Variants in CLCF1 observed in about 807,000 individuals in gnomAD.
CLCF1 encodes the protein cardiotrophin like cytokine factor 1.
A neutral mutation model predicts 21.2 loss-of-function variants in CLCF1; 10 were observed. The observed-to-expected ratio is 0.47, with a 90% CI of 0.29 to 0.80. The LOEUF is 0.80. Among genes scored for constraint, CLCF1 ranks in the 30% least tolerant of loss-of-function variants. The probability of loss-of-function intolerance (pLI) is 0.09; values close to 1 mark genes in which losing one functional copy is unlikely to be tolerated. For synonymous variants in CLCF1, 115 were observed against 120.5 expected (o/e 0.95, Z 0.30); for missense variants, 240 against 293.4 (o/e 0.82, Z 1.33).
Position 67,364,871 on chromosome 11 carries a change from C to T in CLCF1, c.*265G>A, listed in dbSNP as rs1179956711. ...GAGGCCATGAGCGCCTCTGCACCAACCTGAACCACTTCACACTCCCTCGAG... is the reference window on the plus strand; with the variant it reads ...GAGGCCATGAGCGCCTCTGCACCAATCTGAACCACTTCACACTCCCTCGAG... On this transcript the variant is annotated 3_prime_UTR_variant, in exon 3 of 3. Coordinates refer to ENST00000312438, the MANE Select transcript of CLCF1 (RefSeq NM_013246.3). The T allele has an allele frequency of 5.7e-6, 3 of 525,758 alleles. No homozygotes were observed. The highest frequency in any genetic ancestry group is 7.2e-5 in the East Asian group (2 of 27,884). 32.6% of individuals were successfully genotyped at this position (525,758 alleles called of 1,614,324 possible).
intron 1 of CLCF1, 134 bp from the exon 2 acceptor site, chr11:67,367,760 G>A: frequency 6.6e-7 from 1 of 1,512,798 alleles, no homozygotes; most frequent in Non-Finnish European, 8.8e-7. Context: ...GGGAGGCAGA[G>A]GGGATGGAGG....
At chr11:67,368,088 A>T in intron 1 of CLCF1, 1 of 985,410 alleles carries the variant, frequency 1.0e-6, no homozygotes, top group Non-Finnish European at 1.2e-6. Flanking sequence ...CAGAGCTGGC[A>T]GGCTGAGCAC....
At chr11:67,367,165 AGAGG>A (rs1862127361) in intron 2 of CLCF1, among the ~76,000 whole-genome samples, 1 of 151,416 alleles carries the variant, frequency 6.6e-6, no homozygotes, top group Non-Finnish European at 1.5e-5. Flanking sequence ...CGGTGTAAAC[AGAGG>A]AGACTTCCCC....
rs756287540 is a variant in CLCF1 at position 67,367,656 on chromosome 11, C to A, written c.17-30G>T. ...GGGCAGGATGGACGAGAAGCATGAG[C>A]GCGGCCCGGGCCCACACGGGGAAGC... On this transcript the variant is annotated intron_variant, in intron 1 of 2. Transcript: ENST00000312438. 8.7e-6 allele frequency: 14 copies of A among 1,605,954 alleles called. No homozygotes were observed. In the South Asian group the frequency reaches 1.2e-4, roughly 14 times the overall value.
intron 1 of CLCF1, chr11:67,367,899 CT>C: frequency 1.0e-6 from 1 of 985,352 alleles, no homozygotes; most frequent in Non-Finnish European, 1.2e-6. Context: ...CTGAGAGAGT[CT>C]TTGGCATGTG....
intron 1 of CLCF1, chr11:67,369,892 C>A (rs903064209): frequency 1.0e-6 from 1 of 984,972 alleles, no homozygotes; most frequent in Non-Finnish European, 1.2e-6. Flanking sequence ...GGGGGAGAAG[C>A]CTTTGGATAG....
At chr11:67,367,705 G>A (rs1862144202) in intron 1 of CLCF1, 79 bp from the exon 2 acceptor site, 2 of 1,556,386 alleles carry the variant, frequency 1.3e-6, no homozygotes, top group East Asian at 4.8e-5. Flanking sequence ...TCAGGTGTCT[G>A]TCCCCACCTT....
rs1384447654 is a variant in CLCF1 at position 67,373,556 on chromosome 11, C to A, written c.-17G>T. 1.5e-6 allele frequency: 2 copies of A among 1,378,244 alleles called. No individual in the cohort carries two copies. Among genetic ancestry groups the A allele is most frequent in the Non-Finnish European group, 1.9e-6 (2 of 1,066,080 alleles). 85.4% of individuals were successfully genotyped at this position (1,378,244 alleles called of 1,614,324 possible). A position where few individuals can be genotyped will look rare whatever the true frequency, so the allele number is the denominator to read the frequency against. On this transcript the variant is annotated 5_prime_UTR_variant, in exon 1 of 3. Coordinates refer to ENST00000312438, the MANE Select transcript of CLCF1 (RefSeq NM_013246.3). ...GAGGTCCATGGGGCTGGGGCCGGGCCGGCCGGGTGCGGCTCCTCTCCCGGA... is the reference window on the plus strand; with the variant it reads ...GAGGTCCATGGGGCTGGGGCCGGGCAGGCCGGGTGCGGCTCCTCTCCCGGA...
Position 67,372,603 on chromosome 11 carries a change from C to T in CLCF1, c.16+921G>A, listed in dbSNP as rs1418360834. ...CCGCCCCCTCCCGCTCCCGCCCGGT[C>T]GCTCCTTCCCCGCGGCGGGGGCGGG... is the stretch of plus-strand genomic sequence containing the variant. On this transcript the variant is annotated intron_variant, in intron 1 of 2. Coordinates refer to ENST00000312438, the MANE Select transcript of CLCF1 (RefSeq NM_013246.3). This position sits in a 1 kb window ranked among gnomAD's most constrained non-coding sequence, Gnocchi z 5.9. Among the ~76,000 whole-genome samples, 7 of 147,032 alleles carry T rather than the reference C, an allele frequency of 4.8e-5. No individual in the cohort carries two copies. Among genetic ancestry groups the T allele is most frequent in the African/African-American group, 1.5e-4 (6 of 39,228 alleles).
At chr11:67,373,430 G>A in intron 1 of CLCF1, 94 bp downstream of exon 1, 1 of 670,808 alleles carries the variant, frequency 1.5e-6, no homozygotes, top group Non-Finnish European at 2.3e-6. Context: ...CCCGGCCCCG[G>A]CGCGGGGCTC....
rs369389500 is a variant in CLCF1, at chr11:67,365,358, T to C, written c.456A>G (p.Ala152=). ...GLLGSIAGVM[A]ALGYPLPQPL... ...GCTGGGGCAGTGGGTAGCCCAGAGCTGCCATGACGCCCGCAATGCTGCCCA... is the reference window on the plus strand; with the variant it reads ...GCTGGGGCAGTGGGTAGCCCAGAGCCGCCATGACGCCCGCAATGCTGCCCA... Residue 152 remains alanine, a synonymous_variant, in exon 3 of 3, where the codon GCA becomes GCG. Transcript: ENST00000312438. The surrounding 1 kb of genome is among the most constrained non-coding windows in gnomAD (Gnocchi z 5.0). The C allele has an allele frequency of 5.0e-6, 8 of 1,613,196 alleles. No homozygotes were observed. The highest frequency in any genetic ancestry group is 6.8e-6 in the Non-Finnish European group (8 of 1,179,732).
chr11:67,371,162 C>T (rs1309240152), intron 1 of CLCF1: 1 of 726,258 alleles, frequency 1.4e-6, no homozygotes, highest in Non-Finnish European at 1.7e-6. Context: ...AGGCAAAGGC[C>T]CACAGAAACC....
At chr11:67,370,926 G>A (rs147257437) in intron 1 of CLCF1, 1,108 of 985,438 alleles carry the variant, frequency 1.1e-3, no homozygotes, top group Non-Finnish European at 1.2e-3. Context: ...AGCTCCAGAG[G>A]TGGGGCATGG....
At chr11:67,370,819 T>G (rs904810536) in intron 1 of CLCF1, 1 of 984,828 alleles carries the variant, frequency 1.0e-6, no homozygotes, top group African/African-American at 1.8e-5. Context: ...GTGCTTAGGG[T>G]GGTAGGACAA....
At chr11:67,371,972 T>A (rs190397287) in intron 1 of CLCF1, among the ~76,000 whole-genome samples, 19 of 152,094 alleles carry the variant, frequency 1.2e-4, no homozygotes, top group African/African-American at 4.6e-4. Flanking sequence ...TTGCCATCTC[T>A]GCTTCCTCCC....
chr11:67,369,527 C>T, intron 1 of CLCF1: 1 of 985,444 alleles, frequency 1.0e-6, no homozygotes, highest in South Asian at 4.7e-5. Context: ...CATCTCAACA[C>T]AACTCCAAGC....
intron 1 of CLCF1, chr11:67,368,205 G>T (rs902736237): frequency 3.0e-6 from 3 of 985,262 alleles, no homozygotes; most frequent in Non-Finnish European, 3.6e-6. Flanking sequence ...TGCCTTATGG[G>T]GCTTAGTTTT....
chr11:67,373,771 C>T (rs753240354), upstream of CLCF1: 1 of 753,268 alleles, frequency 1.3e-6, no homozygotes, highest in Non-Finnish European at 1.6e-6. Flanking sequence ...CGGCCCTCCC[C>T]GGGGTGGGGG....
At position 67,365,014 on chromosome 11, in the gene CLCF1, C is replaced by G; in HGVS notation, c.*122G>C. On this transcript the variant is annotated 3_prime_UTR_variant, in exon 3 of 3. Coordinates refer to ENST00000312438, the MANE Select transcript of CLCF1 (RefSeq NM_013246.3). The surrounding 1 kb of genome is among the most constrained non-coding windows in gnomAD (Gnocchi z 5.0). The stretch of plus-strand genomic sequence containing the variant: ...GATCGCATCACACGCCCAGCCGGTC[C>G]AGGAAAGGGCCAGAGGCTCACAGCT... 1.9e-6 allele frequency: 3 copies of G among 1,540,062 alleles called. No homozygotes were observed. Among genetic ancestry groups the G allele is most frequent in the Non-Finnish European group, 2.6e-6 (3 of 1,140,506 alleles).
Sources: gnomAD v4.1 joint callset for allele counts (sites outside exome capture counted in the v4.1 genomes callset) on GRCh38, gnomAD v4.1.1 for gene constraint, Gnocchi (gnomAD v3.1) non-coding constraint, MANE v1.5 for transcripts, NCBI Gene and HGNC (gene_info 2026-07-23, HGNC 2026-07-21) for gene names.